Variants in NLRC5 observed in about 807,000 individuals in gnomAD.
NLRC5 encodes NLR family CARD domain containing 5, also known as protein NLRC5.
In NLRC5, 114 loss-of-function variants were observed where a neutral mutation model predicts 206.9. That is an observed-to-expected ratio of 0.55 (90% CI 0.47 to 0.64). The LOEUF is 0.64. NLRC5 is among the 30% of genes least tolerant of loss of function. NLRC5 has a pLI of 0.00. For synonymous variants in NLRC5, 952 were observed against 962.8 expected (o/e 0.99, Z 0.21); for missense variants, 2,008 against 2,305.5 (o/e 0.87, Z 2.64).
chr16:57,037,102 A>G (rs1021928045), intron 14 of NLRC5, 93 bp from the exon 15 acceptor site: 2 of 1,038,152 alleles, frequency 1.9e-6, no homozygotes, highest in African/African-American at 1.6e-5. Flanking sequence ...AGTGACAGCC[A>G]GCAAGCTGCT....
chr16:57,017,302 C>T (rs1044287275), intron 2 of NLRC5, 114 bp downstream of exon 2: 2 of 152,676 alleles, frequency 1.3e-5, no homozygotes, highest in Non-Finnish European at 2.9e-5. Context: ...TGGGCTGCCC[C>T]CAACACAACA....
Position 57,059,255 on chromosome 16 carries a change from C to G in NLRC5, c.3920+194C>G. The G allele has an allele frequency of 2.0e-6, 3 of 1,468,478 alleles. 1 individual carries two copies. Among genetic ancestry groups the G allele is most frequent in the Non-Finnish European group, 2.7e-6 (3 of 1,112,056 alleles). The allele number at this position is 1,468,478 out of a possible 1,614,324, so 91.0% of individuals were successfully genotyped here. A position where few individuals can be genotyped will look rare whatever the true frequency, so the allele number is the denominator to read the frequency against. On this transcript the variant is annotated intron_variant, in intron 29 of 48. Coordinates refer to ENST00000688547, the MANE Select transcript of NLRC5 (RefSeq NM_001384950.1). ...TTTCTATCCCCTGATGCCCGGGTGC[C>G]ATGGGGACCATGGAGGCCATGGGGT...
chr16:57,036,499 G>A (rs2062595531), intron 14 of NLRC5, among the ~76,000 whole-genome samples: 2 of 152,106 alleles, frequency 1.3e-5, no homozygotes, highest in African/African-American at 4.8e-5. Context: ...TGTCAGGGTG[G>A]GTGGGATGTT....
chr16:57,023,521 G>T (rs1021184799), intron 4 of NLRC5, among the ~76,000 whole-genome samples: 1 of 152,090 alleles, frequency 6.6e-6, no homozygotes, highest in South Asian at 2.1e-4. Context: ...GCTGGCTGTT[G>T]GCCCTGCTTC....
intron 30 of NLRC5, 21 bp from the exon 31 acceptor site, chr16:57,061,427 G>T: frequency 1.2e-6 from 2 of 1,607,638 alleles, no homozygotes; most frequent in Non-Finnish European, 1.7e-6. Context: ...CCCAGGCTCT[G>T]CCCTGGCTTT....
At chr16:57,052,302 G>T (rs1352155816) in intron 24 of NLRC5, among the ~76,000 whole-genome samples, 2 of 151,982 alleles carry the variant, frequency 1.3e-5, no homozygotes, top group African/African-American at 4.8e-5. Context: ...GTGAAACCCC[G>T]TCTCTACTAA....
rs1406466287 is a variant in NLRC5, at chr16:57,082,751, T to G, written c.*223T>G. Reference sequence around the variant, plus strand: ...GGAGTACCCTGCATTACGTGGGATATGTGTGATCAATTGGGGACATGCGAC... The same window carrying G: ...GGAGTACCCTGCATTACGTGGGATAGGTGTGATCAATTGGGGACATGCGAC... On this transcript the variant is annotated 3_prime_UTR_variant, in exon 49 of 49. Transcript: ENST00000688547. 2.1e-5 allele frequency: 10 copies of G among 473,896 alleles called. No individual in the cohort carries two copies. The highest frequency in any genetic ancestry group is 3.0e-5 in the Non-Finnish European group (8 of 266,498). 29.4% of individuals were successfully genotyped at this position (473,896 alleles called of 1,614,324 possible).
At chr16:57,029,419 T>C (rs565294666) in intron 8 of NLRC5, among the ~76,000 whole-genome samples, 4 of 152,234 alleles carry the variant, frequency 2.6e-5, no homozygotes, top group South Asian at 2.1e-4. Flanking sequence ...CAGTCTAGAC[T>C]TTACTCATTG....
chr16:57,069,709 G>A, intron 36 of NLRC5, 127 bp from the exon 37 acceptor site: 1 of 726,728 alleles, frequency 1.4e-6, no homozygotes, highest in Non-Finnish European at 2.4e-6. Context: ...TTTACGAAGG[G>A]AAGGAGGTCT....
At chr16:57,002,302 C>T (rs569843874) in intron 1 of NLRC5, among the ~76,000 whole-genome samples, 6 of 152,204 alleles carry the variant, frequency 3.9e-5, no homozygotes, top group Admixed American at 2.6e-4. Flanking sequence ...CATGCCCCAC[C>T]ATGCCCTGTT....
intron 1 of NLRC5, among the ~76,000 whole-genome samples, chr16:56,998,910 T>C (rs545973842): frequency 6.6e-6 from 1 of 152,238 alleles, no homozygotes; most frequent in Non-Finnish European, 1.5e-5. Context: ...TCCAAGACTC[T>C]GTGTGTCTTA....
intron 1 of NLRC5, among the ~76,000 whole-genome samples, chr16:57,014,427 A>G (rs1346672637): frequency 1.3e-5 from 2 of 152,214 alleles, no homozygotes; most frequent in Non-Finnish European, 2.9e-5. Flanking sequence ...GATCCTCCCA[A>G]CAAATAGCCT....
intron 38 of NLRC5, among the ~76,000 whole-genome samples, chr16:57,072,710 A>G (rs1043258448): frequency 1.1e-4 from 2 of 18,288 alleles, no homozygotes; most frequent in Admixed American, 6.0e-4. Flanking sequence ...CTGATGACCA[A>G]AAAAGTTCCA....
At chr16:57,038,806 G>A (rs1331140367) in intron 15 of NLRC5, among the ~76,000 whole-genome samples, 1 of 151,828 alleles carries the variant, frequency 6.6e-6, no homozygotes, top group Non-Finnish European at 1.5e-5. Context: ...ATGGTGGCGT[G>A]CACCTGTAAT....
chr16:57,025,773 T>C lies in NLRC5; in HGVS notation c.830T>C (p.Leu277Pro), dbSNP rs1281130790. 1 of 1,614,118 alleles carries C rather than the reference T, an allele frequency of 6.2e-7. No homozygotes were observed. The highest frequency in any genetic ancestry group is 8.5e-7 in the Non-Finnish European group (1 of 1,180,044). Residue 277 changes from leucine (L) to proline (P), a missense_variant, in exon 6 of 49, where the codon CTT (leucine) becomes CCT (proline). Coordinates refer to ENST00000688547, the MANE Select transcript of NLRC5 (RefSeq NM_001384950.1). ...ITRFLTPSEL[L>P]FDLYLSPESD... The stretch of plus-strand genomic sequence containing the variant: ...AGGTTCCTGACACCGTCCGAGCTCC[T>C]TTTTGATCTGTACCTGAGCCCTGAA...
rs2068523875 is a variant in NLRC5, at chr16:57,077,318, G to A, written c.4858G>A (p.Asp1620Asn). 2 of 1,613,982 alleles carry A rather than the reference G, an allele frequency of 1.2e-6. No individual in the cohort carries two copies. The highest frequency in any genetic ancestry group is 1.7e-6 in the Non-Finnish European group (2 of 1,179,996). ...ELDLSHNQIG[D>N]AGVQHLATIL... ...AAGCTTGAGCCACAACCAGATTGGA[G>A]ACGCTGGTGTCCAGCACTTAGCTAC... is the stretch of plus-strand genomic sequence containing the variant. The change falls in exon 41 of 49, where the codon GAC (aspartate) becomes AAC (asparagine). Residue 1620 changes from aspartate to asparagine, a missense_variant. Transcript: ENST00000688547.
Position 57,025,767 on chromosome 16 carries a change from A to T in NLRC5, c.824A>T (p.Glu275Val). The T allele has an allele frequency of 6.2e-7, 1 of 1,614,090 alleles. No homozygotes were observed. The highest frequency in any genetic ancestry group is 1.3e-5 in the African/African-American group (1 of 75,008). The change falls in exon 6 of 49, where the codon GAG becomes GTG. Residue 275 changes from glutamate to valine, a missense_variant. By Grantham distance (121) the Glu-to-Val change is moderately radical. Transcript: ENST00000688547. Reference protein sequence around the residue: ...NLITRFLTPSELLFDLYLSPE... With the variant: ...NLITRFLTPSVLLFDLYLSPE... ...ATCACGAGGTTCCTGACACCGTCCG[A>T]GCTCCTTTTTGATCTGTACCTGAGC...
In NLRC5 at chr16:57,057,567, T is replaced by C. The variant is rs971678047; in HGVS notation, c.3747-498T>C. On this transcript the variant is annotated intron_variant, in intron 27 of 48. Transcript: ENST00000688547. The stretch of plus-strand genomic sequence containing the variant: ...AATGCATCCTGCAAACATTTTTTTT[T>C]CCTGAATTTCCTCTCATTCAAAAAC... Among the ~76,000 whole-genome samples the C allele has an allele frequency of 1.4e-4, 22 of 152,328 alleles. No homozygotes were observed. In the East Asian group the frequency reaches 3.9e-3, roughly 27 times the overall value.
chr16:57,000,058 C>T (rs560917774), intron 1 of NLRC5, among the ~76,000 whole-genome samples: 7 of 152,294 alleles, frequency 4.6e-5, no homozygotes, highest in African/African-American at 1.7e-4. Context: ...GTGATGCCGT[C>T]GTGCAGACAA....
Sources: gnomAD v4.1 joint callset for allele counts (sites outside exome capture counted in the v4.1 genomes callset) on GRCh38, gnomAD v4.1.1 for gene constraint, MANE v1.5 for transcripts, NCBI Gene and HGNC (gene_info 2026-07-23, HGNC 2026-07-21) for gene names.